Variants in RLF observed in about 807,000 individuals in gnomAD.
The protein encoded by RLF is zinc finger protein Rlf.
A neutral mutation model predicts 162.9 loss-of-function variants in RLF; 7 were observed. The observed-to-expected ratio is 0.04, with a 90% CI of 0.02 to 0.08. The LOEUF (loss-of-function observed/expected upper bound fraction) is 0.08. Among genes scored for constraint, RLF ranks in the 10% least tolerant of loss-of-function variants. The probability of loss-of-function intolerance (pLI) is 1.00; values close to 1 mark genes in which losing one functional copy is unlikely to be tolerated. For synonymous variants in RLF, 782 were observed against 791.5 expected (o/e 0.99, Z 0.20); for missense variants, 1,664 against 2,244.7 (o/e 0.74, Z 5.23).
intron 5 of RLF, among the ~76,000 whole-genome samples, chr1:40,211,139 A>G (rs1642859789): frequency 6.6e-6 from 1 of 152,214 alleles, no homozygotes; most frequent in South Asian, 2.1e-4. Flanking sequence ...AAAAGCTAAA[A>G]ATATTTTCTG....
chr1:40,177,331 C>T (rs912143520), intron 1 of RLF, among the ~76,000 whole-genome samples: 9 of 151,048 alleles, frequency 6.0e-5, no homozygotes, highest in African/African-American at 2.2e-4. Context: ...GCTCTGTCAC[C>T]CAGGCTGGAG....
intron 6 of RLF, among the ~76,000 whole-genome samples, chr1:40,225,603 G>A (rs1351513658): frequency 7.1e-6 from 1 of 140,500 alleles, no homozygotes; most frequent in African/African-American, 2.9e-5. Context: ...AAAGCCGGGC[G>A]CGGTGGCTCA....
chr1:40,203,657 A>C (rs1037809825), intron 5 of RLF, among the ~76,000 whole-genome samples: 2 of 151,930 alleles, frequency 1.3e-5, no homozygotes, highest in Non-Finnish European at 2.9e-5. Flanking sequence ...TTGACATTAT[A>C]CAGAAAAAAA....
At chr1:40,170,104 G>A (rs554320266) in intron 1 of RLF, among the ~76,000 whole-genome samples, 2 of 152,238 alleles carry the variant, frequency 1.3e-5, no homozygotes, top group South Asian at 4.1e-4. Context: ...ATATTCTAAA[G>A]CCTTTATCAG....
rs192385365 is a variant in RLF, at chr1:40,229,209, A to C, written c.948-2308A>C. On this transcript the variant is annotated intron_variant, in intron 6 of 7. Coordinates refer to ENST00000372771, the MANE Select transcript of RLF (RefSeq NM_012421.4). ...TTTCACATACATATGACAGATTACA[A>C]AAATTTTTATTACTTAACGTGCTTA... 2.9e-3 allele frequency among the ~76,000 whole-genome samples: 449 copies of C among 152,304 alleles called. 3 individuals carry two copies. The highest frequency in any genetic ancestry group is 9.9e-3 in the African/African-American group (410 of 41,572).
chr1:40,178,116 A>G (rs2124528965), intron 1 of RLF, among the ~76,000 whole-genome samples: 2 of 152,028 alleles, frequency 1.3e-5, no homozygotes, highest in African/African-American at 4.8e-5. Context: ...GTGTTATATA[A>G]ATATATCTAT....
chr1:40,179,919 CAG>C (rs1392878203), intron 1 of RLF, among the ~76,000 whole-genome samples: 7 of 152,128 alleles, frequency 4.6e-5, no homozygotes, highest in African/African-American at 1.7e-4. Context: ...TGTATCATGT[CAG>C]AATTTTCTTC....
chr1:40,240,552 G>C lies in RLF; in HGVS notation c.*105G>C, dbSNP rs1190560293. ...AGCAGCCACACCGTTGTTTAGGGTAGAATAGGCTGTGTATTTACATGAATG... is the reference window on the plus strand; with the variant it reads ...AGCAGCCACACCGTTGTTTAGGGTACAATAGGCTGTGTATTTACATGAATG... On this transcript the variant is annotated 3_prime_UTR_variant, in exon 8 of 8. Coordinates refer to ENST00000372771, the MANE Select transcript of RLF (RefSeq NM_012421.4). 3.9e-5 allele frequency: 30 copies of C among 763,352 alleles called. No homozygotes were observed. The highest frequency in any genetic ancestry group is 5.5e-5 in the Non-Finnish European group (25 of 457,382). The allele number at this position is 763,352 out of a possible 1,614,324, so 47.3% of individuals were successfully genotyped here.
At chr1:40,194,775 A>G (rs1322632167) in intron 3 of RLF, among the ~76,000 whole-genome samples, 1 of 151,726 alleles carries the variant, frequency 6.6e-6, no homozygotes, top group Non-Finnish European at 1.5e-5. Flanking sequence ...AAACGTTTTA[A>G]AGGCACTCTT....
intron 5 of RLF, among the ~76,000 whole-genome samples, chr1:40,221,855 G>A (rs1397788724): frequency 1.5e-5 from 2 of 137,338 alleles, no homozygotes; most frequent in African/African-American, 5.7e-5. Flanking sequence ...AGCTGAGATC[G>A]CGCCACTGCA....
chr1:40,185,517 TAAAAAA>T (rs769379758), intron 1 of RLF, among the ~76,000 whole-genome samples: 1,086 of 23,686 alleles, frequency 0.046, 17 homozygotes, highest in African/African-American at 0.16. Context: ...AATCTTGCAT[TAAAAAA>T]AAAAAAAAAA....
intron 1 of RLF, among the ~76,000 whole-genome samples, chr1:40,165,618 ATTTTAT>A (rs1642154062): frequency 6.6e-6 from 1 of 151,922 alleles, no homozygotes; most frequent in Admixed American, 6.6e-5. Flanking sequence ...TTAACTCTTA[ATTTTAT>A]TGCTGTCACT....
At chr1:40,190,431 A>G (rs762811100) in intron 2 of RLF, among the ~76,000 whole-genome samples, 4 of 152,128 alleles carry the variant, frequency 2.6e-5, no homozygotes, top group Non-Finnish European at 5.9e-5. Context: ...CAGTAGTATG[A>G]GCTCCCATTT....
intron 1 of RLF, among the ~76,000 whole-genome samples, chr1:40,183,063 G>T (rs1642428344): frequency 6.6e-6 from 1 of 152,120 alleles, no homozygotes; most frequent in South Asian, 2.1e-4. Flanking sequence ...ACTCTGATCT[G>T]TTCTAGCCAT....
At chr1:40,204,498 C>G (rs957806305) in intron 5 of RLF, among the ~76,000 whole-genome samples, 1 of 152,136 alleles carries the variant, frequency 6.6e-6, no homozygotes, top group Non-Finnish European at 1.5e-5. Flanking sequence ...CCTCAAAATC[C>G]TGGGCTCAGG....
Position 40,240,294 on chromosome 1 carries a change from G to T in RLF, c.5592G>T (p.Leu1864Phe). 6.2e-7 allele frequency: 1 copy of T among 1,614,184 alleles called. No individual in the cohort carries two copies. The highest frequency in any genetic ancestry group is 1.7e-5 in the Admixed American group (1 of 60,016). Residue 1864 changes from leucine to phenylalanine, a missense_variant, in exon 8 of 8, where the codon TTG (leucine) becomes TTT (phenylalanine). Physicochemically the swap from Leu to Phe is conservative, Grantham distance 22. Around this residue, in one of 15 missense-constraint regions of RLF, gnomAD observed 327 missense variants for 342.7 expected, o/e 0.95. Transcript: ENST00000372771. ...CCTTGGAAAACCTGAGGGTTGTATT[G>T]GACAAAGCATTAACAGACTGTGGAG... ...VPSLENLRVV[L>F]DKALTDCGEL...
intron 4 of RLF, among the ~76,000 whole-genome samples, chr1:40,197,261 A>G (rs1642650011): frequency 6.6e-6 from 1 of 152,252 alleles, no homozygotes; most frequent in Non-Finnish European, 1.5e-5. Flanking sequence ...GTGCTGTTAA[A>G]TAGAAAAAGA....
In RLF at chr1:40,237,180, T is replaced by C; in HGVS notation, c.2478T>C (p.Asn826=). The change falls in exon 8 of 8, where the codon AAT becomes AAC. Residue 826 remains asparagine (N), a synonymous_variant. Transcript: ENST00000372771. This position sits in a 1 kb window ranked among gnomAD's most constrained non-coding sequence, Gnocchi z 4.4. The part of the protein sequence containing the change: ...IEYQNHLSMH[N]VENSNGDIKK... Reference sequence around the variant, plus strand: ...ACCAGAATCACCTCTCAATGCATAATGTTGAAAATTCAAATGGAGACATAA... The same window carrying C: ...ACCAGAATCACCTCTCAATGCATAACGTTGAAAATTCAAATGGAGACATAA... The C allele has an allele frequency of 6.2e-7, 1 of 1,614,032 alleles. No homozygotes were observed.
Position 40,237,841 on chromosome 1 carries a change from T to A in RLF, c.3139T>A (p.Ser1047Thr). ...ACATCAAGGTTATTCCTCAGAATCCTCCATTTGTGCTTCTAAAAGGCCCTG... is the reference window on the plus strand; with the variant it reads ...ACATCAAGGTTATTCCTCAGAATCCACCATTTGTGCTTCTAAAAGGCCCTG... ...REHQGYSSESSICASKRPCTE... is the reference protein window; with the variant it reads ...REHQGYSSESTICASKRPCTE... The change falls in exon 8 of 8, where the codon TCC becomes ACC. Residue 1047 changes from serine to threonine, a missense_variant. Ser to Thr is a moderately conservative substitution (Grantham distance 58). Around this residue, in one of 15 missense-constraint regions of RLF, gnomAD observed 295 missense variants for 317.4 expected, o/e 0.93. Coordinates refer to ENST00000372771, the MANE Select transcript of RLF (RefSeq NM_012421.4). The surrounding 1 kb of genome is among the most constrained non-coding windows in gnomAD (Gnocchi z 4.4). The A allele has an allele frequency of 6.2e-7, 1 of 1,614,152 alleles. No individual in the cohort carries two copies. The highest frequency in any genetic ancestry group is 8.5e-7 in the Non-Finnish European group (1 of 1,180,014).
Sources: gnomAD v4.1 joint callset for allele counts (sites outside exome capture counted in the v4.1 genomes callset) on GRCh38, gnomAD v4.1.1 for gene constraint, gnomAD v4.1.1 regional missense constraint, Gnocchi (gnomAD v3.1) non-coding constraint, MANE v1.5 for transcripts, NCBI Gene and HGNC (gene_info 2026-07-23, HGNC 2026-07-21) for gene names.